The following BLM variants were observed in gnomAD, a reference collection of about 807,000 sequenced individuals.
BLM encodes the protein BLM RecQ like helicase.
Under a neutral mutation model 135.3 loss-of-function variants are expected in BLM, and 95 were observed. The observed-to-expected ratio is 0.70, with a 90% confidence interval of 0.59 to 0.83. BLM has a LOEUF of 0.83. BLM is among the 40% of genes least tolerant of loss of function. BLM has a pLI of 0.00. For missense variants in BLM, 1,518 were observed against 1,663.9 expected (o/e 0.91, Z 1.53); for synonymous variants, 520 against 589.2 (o/e 0.88, Z 1.70).
intron 14 of BLM, 41 bp from the exon 15 acceptor site, chr15:90,790,608 C>G (rs780517536): frequency 5.7e-5 from 90 of 1,574,296 alleles, no homozygotes; most frequent in Non-Finnish European, 7.6e-5. Flanking sequence ...TCCTTCAAGT[C>G]TGTGCCTTAT....
At chr15:90,717,474 G>T (rs562091361) in intron 1 of BLM, 34 bp downstream of exon 1, 2 of 152,430 alleles carry the variant, frequency 1.3e-5, no homozygotes, top group East Asian at 1.9e-4. Flanking sequence ...GGGTCGGTCC[G>T]CATTGATCTA....
chr15:90,774,063 C>T (rs921047276), intron 12 of BLM, among the ~76,000 whole-genome samples: 4 of 142,074 alleles, frequency 2.8e-5, no homozygotes, highest in Non-Finnish European at 4.5e-5. Context: ...AAAGTGCCTC[C>T]GTCTTTTTTT....
At chr15:90,811,959 G>A (rs373557647) in intron 21 of BLM, among the ~76,000 whole-genome samples, 22 of 152,260 alleles carry the variant, frequency 1.4e-4, no homozygotes, top group Admixed American at 3.9e-4. Context: ...CACTCAGCCT[G>A]ACTAATGTTT....
chr15:90,723,876 C>A (rs1042912385), intron 1 of BLM, among the ~76,000 whole-genome samples: 4 of 152,112 alleles, frequency 2.6e-5, no homozygotes, highest in African/African-American at 9.7e-5. Context: ...ATTTTAGATA[C>A]CTCGTTGCAG....
intron 1 of BLM, among the ~76,000 whole-genome samples, chr15:90,727,570 G>A (rs927395071): frequency 6.6e-6 from 1 of 152,064 alleles, no homozygotes; most frequent in Non-Finnish European, 1.5e-5. Flanking sequence ...TTTGGTGGGA[G>A]GAAGGTGCCT....
Position 90,784,987 on chromosome 15 carries a change from G to C in BLM, c.2729G>C (p.Arg910Thr), listed in dbSNP as rs1567053290. The change falls in exon 14 of 22, where the codon AGA (arginine) becomes ACA (threonine). Residue 910 changes from arginine (R) to threonine (T), a missense_variant. Arg to Thr is a moderately conservative substitution (Grantham distance 71). Coordinates refer to ENST00000355112, the MANE Select transcript of BLM (RefSeq NM_000057.4). ...GACACCATGGCTGACACGTTACAGAGAGATGGGCTCGCTGCTCTTGCTTAC... is the reference window on the plus strand; with the variant it reads ...GACACCATGGCTGACACGTTACAGACAGATGGGCTCGCTGCTCTTGCTTAC... ...ECDTMADTLQRDGLAALAYHA... is the reference protein window; with the variant it reads ...ECDTMADTLQTDGLAALAYHA... 8.1e-6 allele frequency: 13 copies of C among 1,614,192 alleles called. No homozygotes were observed. Among genetic ancestry groups the C allele is most frequent in the Non-Finnish European group, 9.3e-6 (11 of 1,180,030 alleles).
rs1895929728 is a variant in BLM at position 90,760,127 on chromosome 15, A to G, written c.1088-20A>G. The stretch of plus-strand genomic sequence containing the variant: ...TTTTTTCCCTCAAAGAAAAATATTA[A>G]CAACATAATTATTTTATAGCTAGAC... On this transcript the variant is annotated intron_variant, in intron 5 of 21. Coordinates refer to ENST00000355112, the MANE Select transcript of BLM (RefSeq NM_000057.4). 6.2e-7 allele frequency: 1 copy of G among 1,605,892 alleles called. No homozygotes were observed. Among genetic ancestry groups the G allele is most frequent in the Non-Finnish European group, 8.5e-7 (1 of 1,173,466 alleles).
intron 14 of BLM, among the ~76,000 whole-genome samples, chr15:90,788,909 G>T (rs566043298): frequency 2.5e-4 from 37 of 150,804 alleles, no homozygotes; most frequent in African/African-American, 8.8e-4. Context: ...GGAGGTGGAG[G>T]TTGCAGTGAG....
In BLM at chr15:90,790,356, G is replaced by A. The variant is rs28385072; in HGVS notation, c.2824-293G>A. 1.6e-3 allele frequency: 667 copies of A among 420,136 alleles called. 2 individuals are homozygous for A. Among genetic ancestry groups the A allele is most frequent in the African/African-American group, 0.013 (622 of 49,450 alleles). The allele number at this position is 420,136 out of a possible 1,614,324, so 26.0% of individuals were successfully genotyped here. A position where few individuals can be genotyped will look rare whatever the true frequency, so the allele number is the denominator to read the frequency against. ...AGAGAACAGTGGCAGCACATCGTGG[G>A]CTGACTGCAGTTGATTCTGGCTCTC... On this transcript the variant is annotated intron_variant, in intron 14 of 21. Coordinates refer to ENST00000355112, the MANE Select transcript of BLM (RefSeq NM_000057.4).
rs555284031 is a variant in BLM, at chr15:90,753,499, A to T, written c.960-1312A>T. 2.0e-5 allele frequency among the ~76,000 whole-genome samples: 3 copies of T among 152,338 alleles called. No homozygotes were observed. The South Asian group carries it at 6.2e-4, about 32-fold the overall frequency. On this transcript the variant is annotated intron_variant, in intron 4 of 21. Transcript: ENST00000355112. ...TGTCATATCATAAATAAATTTACCT[A>T]GAGTCTTAGCAATTAAAAAAGCTTG... is the stretch of plus-strand genomic sequence containing the variant.
intron 1 of BLM, among the ~76,000 whole-genome samples, chr15:90,742,723 C>T (rs569285965): frequency 6.6e-6 from 1 of 152,064 alleles, no homozygotes; most frequent in Admixed American, 6.6e-5. Flanking sequence ...AAACCTCGAC[C>T]TCCCGGGCTC....
intron 7 of BLM, 86 bp downstream of exon 7, chr15:90,761,341 C>T (rs1275258210): frequency 1.9e-6 from 2 of 1,050,942 alleles, no homozygotes; most frequent in Non-Finnish European, 2.6e-6. Flanking sequence ...AGCAAATCAT[C>T]ATTGCCTGAA....
chr15:90,769,894 C>T (rs1289245032), intron 12 of BLM, among the ~76,000 whole-genome samples: 2 of 152,004 alleles, frequency 1.3e-5, no homozygotes, highest in Non-Finnish European at 2.9e-5. Flanking sequence ...AAATTGCATG[C>T]CATATCTATC....
chr15:90,744,612 C>T (rs1045914150), intron 1 of BLM, among the ~76,000 whole-genome samples: 4 of 152,140 alleles, frequency 2.6e-5, no homozygotes, highest in Non-Finnish European at 4.4e-5. Flanking sequence ...CCTCATGATC[C>T]GCCCACCTCG....
At chr15:90,789,049 AT>A in intron 14 of BLM, among the ~76,000 whole-genome samples, 1 of 151,102 alleles carries the variant, frequency 6.6e-6, no homozygotes, top group Non-Finnish European at 1.5e-5. Flanking sequence ...GGAGATATAT[AT>A]ATATATATAT....
chr15:90,726,960 G>C (rs1894935624), intron 1 of BLM, among the ~76,000 whole-genome samples: 3 of 152,110 alleles, frequency 2.0e-5, no homozygotes, highest in Middle Eastern at 3.2e-3. Context: ...TAGTGGGTTT[G>C]CTGAATCATA....
chr15:90,773,029 G>GGAGGTTGCAGGGAGCC (rs1188968385), intron 12 of BLM, among the ~76,000 whole-genome samples: 1 of 149,318 alleles, frequency 6.7e-6, no homozygotes, highest in Non-Finnish European at 1.5e-5. Context: ...CCCGGGAGGC[G>GGAGGTTGCAGGGAGCC]GAGGTTGCAG....
intron 1 of BLM, among the ~76,000 whole-genome samples, chr15:90,739,431 C>T (rs1262150723): frequency 2.0e-5 from 3 of 151,962 alleles, no homozygotes; most frequent in Non-Finnish European, 4.4e-5. Context: ...AAGGAAGGAG[C>T]CTGGCATGGT....
chr15:90,749,020 A>G (rs1314879320), intron 2 of BLM, among the ~76,000 whole-genome samples: 1 of 152,102 alleles, frequency 6.6e-6, no homozygotes, highest in Non-Finnish European at 1.5e-5. Flanking sequence ...CGGCCTCCCA[A>G]AGTGCTGGGA....
Sources: allele counts gnomAD v4.1 joint callset (sites outside exome capture counted in the v4.1 genomes callset), GRCh38; gene constraint gnomAD v4.1.1; transcripts MANE v1.5; gene names NCBI Gene and HGNC (gene_info 2026-07-23, HGNC 2026-07-21).